Variants in ADAMTSL1 observed in about 807,000 individuals in gnomAD.
The protein encoded by ADAMTSL1 is ADAMTS-like protein 1.
Under a neutral mutation model 201.8 loss-of-function variants are expected in ADAMTSL1, and 126 were observed. The observed-to-expected ratio is 0.62, with a 90% CI of 0.54 to 0.72. ADAMTSL1 has a LOEUF of 0.72. ADAMTSL1 is among the 30% of genes least tolerant of loss of function. ADAMTSL1 has a pLI of 0.00. For synonymous variants in ADAMTSL1, 1,121 were observed against 903.4 expected (o/e 1.24, Z -4.32); for missense variants, 2,679 against 2,277.8 (o/e 1.18, Z -3.59).
At chr9:18,637,439 C>T (rs780794762) in intron 6 of ADAMTSL1, among the ~76,000 whole-genome samples, 18 of 151,942 alleles carry the variant, frequency 1.2e-4, no homozygotes, top group Admixed American at 6.6e-5. Context: ...CTCTTCATTG[C>T]GGAAGAAAGA....
intron 2 of ADAMTSL1, among the ~76,000 whole-genome samples, chr9:18,164,351 T>G (rs904788517): frequency 6.6e-6 from 1 of 151,868 alleles, no homozygotes; most frequent in Non-Finnish European, 1.5e-5. Flanking sequence ...TATGGGTCAG[T>G]GGAAATTCCA....
chr9:18,562,333 T>G (rs1821563025), intron 3 of ADAMTSL1, among the ~76,000 whole-genome samples: 2 of 152,084 alleles, frequency 1.3e-5, no homozygotes, highest in Admixed American at 1.3e-4. Context: ...TTTAAGAATG[T>G]TGAATATTGG....
At chr9:18,830,841 A>G (rs1824932211) in intron 23 of ADAMTSL1, among the ~76,000 whole-genome samples, 3 of 152,226 alleles carry the variant, frequency 2.0e-5, no homozygotes, top group Non-Finnish European at 4.4e-5. Context: ...TCTTTAAAAT[A>G]AAACAAAAAG....
At chr9:18,527,968 C>A (rs570883074) in intron 2 of ADAMTSL1, among the ~76,000 whole-genome samples, 80 of 152,306 alleles carry the variant, frequency 5.3e-4, no homozygotes, top group African/African-American at 1.9e-3. Context: ...AGCTCCACCT[C>A]CTGGGTTCCA....
chr9:18,181,831 T>C (rs530564509), intron 2 of ADAMTSL1, among the ~76,000 whole-genome samples: 1 of 152,032 alleles, frequency 6.6e-6, no homozygotes, highest in African/African-American at 2.4e-5. Context: ...TAAAGACACA[T>C]GCACACGTAT....
intron 2 of ADAMTSL1, among the ~76,000 whole-genome samples, chr9:18,342,651 G>A (rs1220081654): frequency 1.3e-5 from 2 of 152,094 alleles, no homozygotes; most frequent in East Asian, 1.9e-4. Context: ...TGAGGAGGTG[G>A]CCATCATGGC....
chr9:18,826,566 A>G, intron 22 of ADAMTSL1, 103 bp downstream of exon 22: 1 of 1,368,060 alleles, frequency 7.3e-7, no homozygotes, highest in Non-Finnish European at 9.9e-7. Flanking sequence ...AGGACATAAA[A>G]GGTAAAATTG....
chr9:18,291,142 G>A (rs1006867111), intron 2 of ADAMTSL1, among the ~76,000 whole-genome samples: 4 of 115,624 alleles, frequency 3.5e-5, no homozygotes, highest in African/African-American at 8.1e-5. Flanking sequence ...ATCTAGCTAG[G>A]GATATGTAGG....
rs1458978164 is a variant in ADAMTSL1, at chr9:18,622,308, A to T, written c.540A>T (p.Gly180=). 7 of 1,613,914 alleles carry T rather than the reference A, an allele frequency of 4.3e-6. No individual in the cohort carries two copies. The East Asian group carries it at 1.3e-4, about 31-fold the overall frequency. ...AAGATAACTGTGGGGTCTGCAACGG[A>T]GATGGGTCCACCTGCCGGCTGGTCC... ...VKEDNCGVCN[G]DGSTCRLVRG... Residue 180 remains glycine, a synonymous_variant, in exon 5 of 29, where the codon GGA becomes GGT. Transcript: ENST00000380548.
chr9:17,907,215 C>A (rs886841336), intron 1 of ADAMTSL1, among the ~76,000 whole-genome samples: 1 of 152,178 alleles, frequency 6.6e-6, no homozygotes, highest in Non-Finnish European at 1.5e-5. Context: ...GGCGAGAAGG[C>A]GGCGCCTGAG....
chr9:18,591,134 A>ATTT (rs1564073999), intron 4 of ADAMTSL1, among the ~76,000 whole-genome samples: 1 of 152,018 alleles, frequency 6.6e-6, no homozygotes, highest in East Asian at 1.9e-4. Flanking sequence ...GTGCCCTACT[A>ATTT]TTTTTGTATT....
chr9:18,209,059 T>A (rs867842094), intron 2 of ADAMTSL1, among the ~76,000 whole-genome samples: 3 of 152,300 alleles, frequency 2.0e-5, no homozygotes, highest in African/African-American at 7.2e-5. Context: ...CATTTGTAAT[T>A]TAGGTTTACA....
chr9:18,269,606 C>T lies in ADAMTSL1; in HGVS notation c.207+105625C>T, dbSNP rs150963922. ...ATAGAACCAATTAGATCATAATAAT[C>T]TTGGTCACTAATTGGTTTTGCAAAA... On this transcript the variant is annotated intron_variant, in intron 2 of 29. Coordinates refer to the ADAMTSL1 transcript ENST00000680146. Among the ~76,000 whole-genome samples, 970 of 152,234 alleles carry T rather than the reference C, an allele frequency of 6.4e-3. 12 individuals are homozygous for T. The highest frequency in any genetic ancestry group is 0.022 in the African/African-American group (924 of 41,552).
chr9:18,239,180 G>C lies in ADAMTSL1; in HGVS notation c.207+75199G>C, dbSNP rs77494720. 9.3e-3 allele frequency among the ~76,000 whole-genome samples: 1,418 copies of C among 152,172 alleles called. 20 individuals are homozygous for C. Among genetic ancestry groups the C allele is most frequent in the African/African-American group, 0.032 (1,340 of 41,508 alleles). On this transcript the variant is annotated intron_variant, in intron 2 of 29. Coordinates refer to the ADAMTSL1 transcript ENST00000680146. ...CTGCTGACTGATCAGGGTGGTGAAG[G>C]GTAGGGTAGCTGTAATAATACCTTA...
intron 26 of ADAMTSL1, among the ~76,000 whole-genome samples, chr9:18,893,406 G>C (rs1588328181): frequency 6.6e-6 from 1 of 152,108 alleles, no homozygotes; most frequent in Non-Finnish European, 1.5e-5. Context: ...AAATACATAG[G>C]TCTTGCTCCC....
chr9:18,200,959 A>G (rs183529332), intron 2 of ADAMTSL1, among the ~76,000 whole-genome samples: 1 of 152,126 alleles, frequency 6.6e-6, no homozygotes. Context: ...AGACAAAAGA[A>G]TATCTTTAAT....
chr9:18,729,748 C>T (rs961797717), intron 15 of ADAMTSL1, among the ~76,000 whole-genome samples: 2 of 152,118 alleles, frequency 1.3e-5, no homozygotes, highest in African/African-American at 4.8e-5. Flanking sequence ...TGGGAATGGT[C>T]CTGGAGGGGT....
intron 1 of ADAMTSL1, among the ~76,000 whole-genome samples, chr9:18,120,990 T>C (rs1392631991): frequency 6.6e-6 from 1 of 152,074 alleles, no homozygotes; most frequent in Non-Finnish European, 1.5e-5. Context: ...GTGGAAGTCA[T>C]ACCAAAGCTT....
chr9:18,278,259 A>T (rs1355413474), intron 2 of ADAMTSL1, among the ~76,000 whole-genome samples: 2 of 152,110 alleles, frequency 1.3e-5, no homozygotes, highest in African/African-American at 4.8e-5. Context: ...TTATACTTTC[A>T]TGTGTTTCAT....
Sources: allele counts gnomAD v4.1 joint callset (sites outside exome capture counted in the v4.1 genomes callset), GRCh38; gene constraint gnomAD v4.1.1; transcripts MANE v1.5; gene names NCBI Gene and HGNC (gene_info 2026-07-23, HGNC 2026-07-21).